PTPRR: variants seen among roughly 807,000 people sequenced by gnomAD.
PTPRR encodes receptor-type tyrosine-protein phosphatase R.
In PTPRR, 38 loss-of-function variants were observed where a neutral mutation model predicts 77.2. The observed-to-expected ratio is 0.49, with a 90% CI of 0.38 to 0.65. The LOEUF is 0.65. PTPRR is among the 30% of genes least tolerant of loss of function. PTPRR has a pLI of 0.00. For synonymous variants in PTPRR, 299 were observed against 283.1 expected, an observed-to-expected ratio of 1.06 and a Z score of -0.57; for missense variants, 744 against 799.2, an observed-to-expected ratio of 0.93 and a Z score of 0.83.
intron 12 of PTPRR, among the ~76,000 whole-genome samples, chr12:70,659,553 G>T (rs1275924621): frequency 6.6e-6 from 1 of 152,076 alleles, no homozygotes; most frequent in Non-Finnish European, 1.5e-5. Context: ...GTTTTATAGG[G>T]GAAGTGACTA....
At chr12:70,784,578 C>T (rs1050566288) in intron 2 of PTPRR, among the ~76,000 whole-genome samples, 5 of 152,222 alleles carry the variant, frequency 3.3e-5, no homozygotes, top group Admixed American at 2.6e-4. Context: ...TGTCTGCCTC[C>T]TCCCAGTACC....
At chr12:70,815,486 A>G (rs1359246313) in intron 2 of PTPRR, among the ~76,000 whole-genome samples, 2 of 152,178 alleles carry the variant, frequency 1.3e-5, no homozygotes, top group Non-Finnish European at 2.9e-5. Flanking sequence ...ATGTAAAGAA[A>G]ACTGTAATAC....
chr12:70,651,521 G>A (rs985169587), intron 13 of PTPRR, among the ~76,000 whole-genome samples: 15 of 152,118 alleles, frequency 9.9e-5, no homozygotes, highest in African/African-American at 2.2e-4. Context: ...GGCAGTTGCC[G>A]ACAACGTCAC....
At chr12:70,704,105 A>C (rs1888527904) in intron 6 of PTPRR, among the ~76,000 whole-genome samples, 2 of 152,092 alleles carry the variant, frequency 1.3e-5, no homozygotes, top group Admixed American at 6.6e-5. Context: ...AGCAACAGTC[A>C]TAGACACTAT....
chr12:70,871,163 C>T (rs1892952641), intron 2 of PTPRR, among the ~76,000 whole-genome samples: 1 of 152,156 alleles, frequency 6.6e-6, no homozygotes, highest in Admixed American at 6.5e-5. Context: ...TCCATTCAAA[C>T]ATCACAGACT....
intron 2 of PTPRR, among the ~76,000 whole-genome samples, chr12:70,841,627 A>C (rs1892398997): frequency 6.6e-6 from 1 of 152,220 alleles, no homozygotes; most frequent in Admixed American, 6.5e-5. Context: ...TTACAGAACA[A>C]AAGTAAACAT....
At chr12:70,842,091 C>A (rs1892407064) in intron 2 of PTPRR, among the ~76,000 whole-genome samples, 2 of 152,138 alleles carry the variant, frequency 1.3e-5, no homozygotes, top group East Asian at 3.8e-4. Flanking sequence ...CAAAGCAATT[C>A]CTATGGAAAC....
chr12:70,649,370 G>C (rs12372681), intron 13 of PTPRR, among the ~76,000 whole-genome samples: 5,709 of 152,232 alleles, frequency 0.038, 159 homozygotes, highest in Middle Eastern at 0.065. Flanking sequence ...AAGTGGAGAG[G>C]GGTAGATTAT....
At chr12:70,736,462 T>G (rs1214475075) in intron 6 of PTPRR, among the ~76,000 whole-genome samples, 1 of 152,150 alleles carries the variant, frequency 6.6e-6, no homozygotes, top group Non-Finnish European at 1.5e-5. Flanking sequence ...CAATTTATTA[T>G]TAATTAGGAG....
chr12:70,675,905 G>A (rs1170048290), intron 10 of PTPRR, among the ~76,000 whole-genome samples: 2 of 149,310 alleles, frequency 1.3e-5, no homozygotes, highest in African/African-American at 4.9e-5. Flanking sequence ...TTTTTTTTTG[G>A]TTAGTTACTC....
At chr12:70,796,455 TTATAAA>T (rs1289502005) in intron 2 of PTPRR, among the ~76,000 whole-genome samples, 2 of 152,172 alleles carry the variant, frequency 1.3e-5, no homozygotes, top group African/African-American at 4.8e-5. Flanking sequence ...GATATGTGAT[TTATAAA>T]TATGTGTTTT....
In PTPRR at chr12:70,731,483, TTTC is replaced by T. The variant is rs557118264; in HGVS notation, c.1007+14332_1007+14334del. ...ATGGAACCACTCAATTGTAGGATAT[TTTC>T]TTAAGTGTCTTGATGCATATTTACG... On this transcript the variant is annotated intron_variant, in intron 6 of 13. Transcript: ENST00000283228. Among the ~76,000 whole-genome samples, 4 of 152,336 alleles carry T rather than the reference TTTC, an allele frequency of 2.6e-5. No individual in the cohort carries two copies. In the South Asian group the frequency reaches 8.3e-4, roughly 32 times the overall value.
At chr12:70,701,375 C>G (rs759274500) in intron 6 of PTPRR, 52 bp from the exon 7 acceptor site, 1 of 1,535,098 alleles carries the variant, frequency 6.5e-7, no homozygotes, top group Non-Finnish European at 8.9e-7. Flanking sequence ...ATTTTGATTG[C>G]AAAAACTTGT....
intron 2 of PTPRR, among the ~76,000 whole-genome samples, chr12:70,858,858 G>A (rs1269134750): frequency 6.6e-6 from 1 of 151,958 alleles, no homozygotes; most frequent in Non-Finnish European, 1.5e-5. Context: ...ATATTCGGTT[G>A]AGTCCTGATA....
At chr12:70,735,559 A>C (rs1245134315) in intron 6 of PTPRR, among the ~76,000 whole-genome samples, 2 of 152,226 alleles carry the variant, frequency 1.3e-5, no homozygotes, top group Non-Finnish European at 2.9e-5. Flanking sequence ...GCTACGGTTC[A>C]AGATGAGATT....
chr12:70,820,654 C>T (rs2137039818), intron 2 of PTPRR, among the ~76,000 whole-genome samples: 1 of 152,290 alleles, frequency 6.6e-6, no homozygotes, highest in African/African-American at 2.4e-5. Flanking sequence ...AATGAGGTCT[C>T]ATCCTTGGGC....
chr12:70,768,235 T>C (rs11514313), intron 2 of PTPRR, among the ~76,000 whole-genome samples: 1 of 151,704 alleles, frequency 6.6e-6, no homozygotes, highest in African/African-American at 2.4e-5. Context: ...AGCTGGTTTT[T>C]TGAAAGGATC....
At chr12:70,833,647 A>G (rs976397703) in intron 2 of PTPRR, among the ~76,000 whole-genome samples, 4 of 152,204 alleles carry the variant, frequency 2.6e-5, no homozygotes, top group African/African-American at 7.2e-5. Flanking sequence ...ATAAGCCTCA[A>G]TTGGTGGGTA....
At chr12:70,686,336 T>G (rs932401337) in intron 8 of PTPRR, among the ~76,000 whole-genome samples, 3 of 152,186 alleles carry the variant, frequency 2.0e-5, no homozygotes, top group African/African-American at 7.2e-5. Context: ...TTAACAGGAC[T>G]TGGCAAGCCA....
Sources: allele counts gnomAD v4.1 joint callset (sites outside exome capture counted in the v4.1 genomes callset), GRCh38; gene constraint gnomAD v4.1.1; transcripts MANE v1.5; gene names NCBI Gene and HGNC (gene_info 2026-07-23, HGNC 2026-07-21).